The following LY96 variants were observed in gnomAD, a reference collection of about 807,000 sequenced individuals.
LY96 encodes myeloid differentiation protein-2.
Under a neutral mutation model 18.9 loss-of-function variants are expected in LY96, and 18 were observed. The ratio of observed to expected loss-of-function variants is 0.95; its 90% CI spans 0.66 to 1.41. The LOEUF (loss-of-function observed/expected upper bound fraction) is 1.41, where lower values mean the gene tolerates loss of function less well. Among genes scored for constraint, LY96 ranks in the 40% most tolerant of loss-of-function variants. LY96 has a pLI of 0.00. For synonymous variants in LY96, 66 were observed against 62.6 expected, an observed-to-expected ratio of 1.06 and a Z score of -0.26; for missense variants, 175 against 182.4, an observed-to-expected ratio of 0.96 and a Z score of 0.23.
chr8:74,022,329 G>T (rs1816782201), intron 3 of LY96, among the ~76,000 whole-genome samples: 1 of 151,822 alleles, frequency 6.6e-6, no homozygotes, highest in Admixed American at 6.6e-5. Context: ...AGAATCACTT[G>T]AATGAAGGCA....
chr8:74,068,233 A>G, the LY96 span, among the ~76,000 whole-genome samples: 2 of 151,844 alleles, frequency 1.3e-5, no homozygotes, highest in African/African-American at 2.4e-5. Flanking sequence ...TAGATTTCAT[A>G]TGAATGGAGT....
the LY96 span, among the ~76,000 whole-genome samples, chr8:74,063,418 A>G: frequency 6.6e-5 from 10 of 152,206 alleles, no homozygotes; most frequent in African/African-American, 2.4e-4. Flanking sequence ...TTTTAAAAAC[A>G]ATCACCTATA....
intron 4 of LY96, among the ~76,000 whole-genome samples, chr8:74,028,054 A>C (rs1223285302): frequency 6.6e-6 from 1 of 152,216 alleles, no homozygotes; most frequent in African/African-American, 2.4e-5. Context: ...TGGTTTAAGA[A>C]AGCCTTAAAG....
the LY96 span, among the ~76,000 whole-genome samples, chr8:74,070,914 C>T: frequency 6.6e-6 from 1 of 152,072 alleles, no homozygotes; most frequent in East Asian, 1.9e-4. Flanking sequence ...GTACCTTGTG[C>T]ACCATATTGC....
chr8:74,031,846 A>G (rs1816976757), downstream of LY96, among the ~76,000 whole-genome samples: 1 of 152,102 alleles, frequency 6.6e-6, no homozygotes, highest in African/African-American at 2.4e-5. Flanking sequence ...GAGGGTAGCC[A>G]GGCATGGTGG....
chr8:74,036,304 A>G, the LY96 span, among the ~76,000 whole-genome samples: 1 of 152,206 alleles, frequency 6.6e-6, no homozygotes, highest in Non-Finnish European at 1.5e-5. Flanking sequence ...AGATAGATGT[A>G]GTTTCTGTAA....
the LY96 span, among the ~76,000 whole-genome samples, chr8:74,068,909 C>T: frequency 3.3e-5 from 5 of 152,178 alleles, no homozygotes; most frequent in Non-Finnish European, 7.3e-5. Flanking sequence ...ATTCTCATGC[C>T]TCAGCCTCCC....
At chr8:74,050,279 G>T in the LY96 span, among the ~76,000 whole-genome samples, 3 of 151,970 alleles carry the variant, frequency 2.0e-5, no homozygotes, top group South Asian at 2.1e-4. Context: ...AGAGGCAGAG[G>T]TTGCAGTGAG....
chr8:74,094,674 A>G, the LY96 span, among the ~76,000 whole-genome samples: 1 of 152,220 alleles, frequency 6.6e-6, no homozygotes, highest in Non-Finnish European at 1.5e-5. Context: ...GAAACAAAGC[A>G]TATGATCATC....
the LY96 span, among the ~76,000 whole-genome samples, chr8:74,093,750 C>T: frequency 6.6e-6 from 1 of 152,166 alleles, no homozygotes. Flanking sequence ...CTCTCTCATG[C>T]TTACATCTTG....
At chr8:74,099,070 T>G in the LY96 span, among the ~76,000 whole-genome samples, 7 of 152,244 alleles carry the variant, frequency 4.6e-5, no homozygotes, top group African/African-American at 1.4e-4. Context: ...TGACCCATTT[T>G]TATTTGGCTC....
chr8:74,083,555 C>T, the LY96 span, among the ~76,000 whole-genome samples: 1 of 152,100 alleles, frequency 6.6e-6, no homozygotes, highest in African/African-American at 2.4e-5. Flanking sequence ...AAATTATTGG[C>T]AATTCCTTAA....
the LY96 span, among the ~76,000 whole-genome samples, chr8:74,070,433 T>A: frequency 6.6e-6 from 1 of 152,246 alleles, no homozygotes; most frequent in African/African-American, 2.4e-5. Context: ...TTTAATAGCT[T>A]CTTTAGATGG....
chr8:74,070,681 C>T, the LY96 span, among the ~76,000 whole-genome samples: 1 of 152,062 alleles, frequency 6.6e-6, no homozygotes, highest in Non-Finnish European at 1.5e-5. Context: ...CCAGATTCAC[C>T]TCGTGTTCTT....
chr8:74,009,175 T>C (rs1157628495), intron 2 of LY96, among the ~76,000 whole-genome samples: 1 of 151,366 alleles, frequency 6.6e-6, no homozygotes, highest in Non-Finnish European at 1.5e-5. Context: ...GGTGGGTGGA[T>C]CACGAGGTCA....
chr8:74,007,733 C>A (rs1324946162), intron 2 of LY96, among the ~76,000 whole-genome samples: 2 of 152,160 alleles, frequency 1.3e-5, no homozygotes, highest in East Asian at 3.8e-4. Context: ...AAAAATAGTC[C>A]TCTTTTATAC....
Position 74,003,381 on chromosome 8 carries a change from A to T in LY96, c.113-1415A>T, listed in dbSNP as rs531508518. Among the ~76,000 whole-genome samples, 7 of 152,370 alleles carry T rather than the reference A, an allele frequency of 4.6e-5. No individual in the cohort carries two copies. In the South Asian group the frequency reaches 1.2e-3, roughly 27 times the overall value. On this transcript the variant is annotated intron_variant, in intron 1 of 4. Transcript: ENST00000284818. ...GGCTTACAGTGGCACAAAAGCAAGG[A>T]TATAGAGGCAGAACAATTAATCCAA...
At chr8:74,022,178 C>G (rs552307368) in intron 3 of LY96, among the ~76,000 whole-genome samples, 1 of 152,002 alleles carries the variant, frequency 6.6e-6, no homozygotes, top group African/African-American at 2.4e-5. Context: ...GAGGCCGAGG[C>G]GGGCAGATCA....
At chr8:74,062,719 C>A in the LY96 span, among the ~76,000 whole-genome samples, 1 of 152,114 alleles carries the variant, frequency 6.6e-6, no homozygotes, top group African/African-American at 2.4e-5. Context: ...TCAATTCAAT[C>A]CTCACAGTGG....
Sources: allele counts gnomAD v4.1 joint callset (sites outside exome capture counted in the v4.1 genomes callset), GRCh38; gene constraint gnomAD v4.1.1; transcripts MANE v1.5; gene names NCBI Gene and HGNC (gene_info 2026-07-23, HGNC 2026-07-21).